Variants in SPATA1 observed in about 807,000 individuals in gnomAD.
SPATA1 encodes spermatogenesis-associated protein 1.
SPATA1 carries 57 observed loss-of-function variants against 59.6 expected under a neutral mutation model. The observed-to-expected ratio is 0.96, with a 90% confidence interval of 0.77 to 1.19. SPATA1 has a LOEUF of 1.19. Ranked by LOEUF, SPATA1 falls within the 50% of genes most tolerant of loss-of-function variation. The pLI, the probability that SPATA1 is intolerant of heterozygous loss-of-function variation, is 0.00. For missense variants in SPATA1, 448 were observed against 480.7 expected, an observed-to-expected ratio of 0.93 and a Z score of 0.64; for synonymous variants, 147 against 163.9, an observed-to-expected ratio of 0.90 and a Z score of 0.79.
At chr1:84,543,552 C>A (rs114092004) in intron 8 of SPATA1, among the ~76,000 whole-genome samples, 2,582 of 152,052 alleles carry the variant, frequency 0.017, 73 homozygotes, top group African/African-American at 0.058. Flanking sequence ...TTTAAATGAT[C>A]AGATCTCACA....
chr1:84,550,101 A>G (rs931437464), intron 11 of SPATA1: 2 of 157,366 alleles, frequency 1.3e-5, no homozygotes, highest in Non-Finnish European at 2.8e-5. Flanking sequence ...TAAGTATTTT[A>G]AAATAATTCT....
intron 8 of SPATA1, among the ~76,000 whole-genome samples, chr1:84,536,962 C>A (rs1014034606): frequency 1.3e-5 from 2 of 150,134 alleles, no homozygotes; most frequent in Non-Finnish European, 2.9e-5. Context: ...TCACTGCAAC[C>A]TCTGCCACCC....
chr1:84,511,166 AAAAC>A (rs1355850302), intron 1 of SPATA1, among the ~76,000 whole-genome samples: 5 of 152,230 alleles, frequency 3.3e-5, no homozygotes, highest in African/African-American at 9.7e-5. Context: ...GATTTTTTGT[AAAAC>A]AAACAATAAA....
intron 4 of SPATA1, among the ~76,000 whole-genome samples, chr1:84,561,710 A>T (rs998355968): frequency 6.6e-6 from 1 of 152,202 alleles, no homozygotes; most frequent in Non-Finnish European, 1.5e-5. Context: ...CACCACCCTG[A>T]TCAGTCAGCA....
chr1:84,563,941 A>T, intron 4 of SPATA1: 3 of 1,232,490 alleles, frequency 2.4e-6, no homozygotes, highest in Non-Finnish European at 3.2e-6. Flanking sequence ...GTACATTTAT[A>T]AAAAACACTA....
Position 84,511,838 on chromosome 1 carries a change from T to TG in SPATA1, c.-137-4384dup, listed in dbSNP as rs1682577682. ...CTAGGATTATAGGCATGGGCCACCA[T>TG]GCCCGGCCAATTTTGTATTTTTATC... On this transcript the variant is annotated intron_variant, in intron 1 of 12. Coordinates refer to ENST00000490879, the Ensembl canonical transcript of SPATA1. 2.0e-5 allele frequency among the ~76,000 whole-genome samples: 3 copies of TG among 152,098 alleles called. No homozygotes were observed. The East Asian group carries it at 5.8e-4, about 29-fold the overall frequency.
intron 3 of SPATA1, among the ~76,000 whole-genome samples, chr1:84,521,013 G>A (rs1236583435): frequency 1.3e-5 from 2 of 152,132 alleles, no homozygotes; most frequent in South Asian, 2.1e-4. Flanking sequence ...AGGAGGCTAA[G>A]GTGGGAGGAT....
chr1:84,543,890 T>G (rs1683992715), intron 8 of SPATA1, among the ~76,000 whole-genome samples: 1 of 152,162 alleles, frequency 6.6e-6, no homozygotes, highest in South Asian at 2.1e-4. Context: ...AATAGGCATC[T>G]TAGAAAATAT....
chr1:84,549,569 T>G (rs1271081293), intron 11 of SPATA1: 1 of 152,026 alleles, frequency 6.6e-6, no homozygotes, highest in Non-Finnish European at 1.5e-5. Context: ...TTAAAGAAAT[T>G]ATGAAATTTT....
intron 10 of SPATA1, among the ~76,000 whole-genome samples, chr1:84,547,313 A>G (rs539493575): frequency 2.0e-5 from 3 of 152,242 alleles, no homozygotes; most frequent in Middle Eastern, 3.4e-3. Context: ...AATGGGAATG[A>G]TCCATCACTT....
intron 4 of SPATA1, chr1:84,563,143 G>A (rs1337809130): frequency 3.2e-6 from 2 of 632,158 alleles, no homozygotes; most frequent in Non-Finnish European, 4.9e-6. Context: ...ATAGCAGTCT[G>A]CATGTTATGC....
chr1:84,550,356 A>G, intron 11 of SPATA1, 76 bp from the exon 12 acceptor site: 1 of 626,980 alleles, frequency 1.6e-6, no homozygotes, highest in Non-Finnish European at 2.5e-6. Flanking sequence ...ATCATTTCAT[A>G]GTTTATGTTC....
At chr1:84,541,795 T>C (rs1683914188) in intron 8 of SPATA1, among the ~76,000 whole-genome samples, 3 of 152,306 alleles carry the variant, frequency 2.0e-5, no homozygotes, top group South Asian at 2.1e-4. Context: ...TGTTCATGTT[T>C]ATTTGCGTTG....
At chr1:84,553,882 A>C (rs1264255894) in exon 13 of SPATA1, 1 of 152,222 alleles carries the variant, frequency 6.6e-6, no homozygotes, top group African/African-American at 2.4e-5. Flanking sequence ...TGTTGTTCTT[A>C]ATTCCCTGGA....
chr1:84,509,618 T>C (rs1437302483), intron 1 of SPATA1, among the ~76,000 whole-genome samples: 1 of 152,088 alleles, frequency 6.6e-6, no homozygotes, highest in Admixed American at 6.5e-5. Flanking sequence ...ATACAAAAAT[T>C]AGCTGGGCGT....
chr1:84,544,714 C>G (rs529147605), intron 9 of SPATA1, among the ~76,000 whole-genome samples: 1 of 151,824 alleles, frequency 6.6e-6, no homozygotes, highest in African/African-American at 2.4e-5. Flanking sequence ...GCGTGCACCA[C>G]CACACCTGGC....
intron 10 of SPATA1, among the ~76,000 whole-genome samples, chr1:84,546,481 CTT>C (rs1013335899): frequency 3.8e-5 from 5 of 130,674 alleles, no homozygotes; most frequent in African/African-American, 1.2e-4. Flanking sequence ...AAAAAAAAAA[CTT>C]GATGAAAACT....
chr1:84,544,030 A>G (rs1388766791), intron 8 of SPATA1, among the ~76,000 whole-genome samples, 172 bp from the exon 9 acceptor site: 1 of 152,208 alleles, frequency 6.6e-6, no homozygotes, highest in Non-Finnish European at 1.5e-5. Context: ...GTAATAGAAT[A>G]CAGAGACCAG....
chr1:84,548,767 T>C lies in SPATA1; in HGVS notation c.947-19T>C, dbSNP rs1219689780. The stretch of plus-strand genomic sequence containing the variant: ...GGCCTTTCCTTTTTTTTTTTTTTTT[T>C]TTTTTTTTTTTTTTATAGCCTACAA... On this transcript the variant is annotated intron_variant, in intron 10 of 12. Transcript: ENST00000490879. 1.9e-6 allele frequency: 2 copies of C among 1,032,404 alleles called. No homozygotes were observed. The highest frequency in any genetic ancestry group is 1.9e-5 in the African/African-American group (1 of 52,434). 64.0% of individuals were successfully genotyped at this position (1,032,404 alleles called of 1,614,324 possible).
Sources: gnomAD v4.1 joint callset for allele counts (sites outside exome capture counted in the v4.1 genomes callset) on GRCh38, gnomAD v4.1.1 for gene constraint, MANE v1.5 for transcripts, NCBI Gene and HGNC (gene_info 2026-07-23, HGNC 2026-07-21) for gene names.